The following STRN3 variants were observed in gnomAD, a reference collection of about 807,000 sequenced individuals.
STRN3 encodes striatin 3.
In STRN3, 29 loss-of-function variants were observed where a neutral mutation model predicts 95.6. That is an observed-to-expected ratio of 0.30 (90% CI 0.23 to 0.41). The LOEUF is 0.41. Among genes scored for constraint, STRN3 ranks in the 10% least tolerant of loss-of-function variants. The pLI, the probability that STRN3 is intolerant of heterozygous loss-of-function variation, is 1.00. For missense variants in STRN3, 890 were observed against 972.1 expected (o/e 0.92, Z 1.12); for synonymous variants, 331 against 357.6 (o/e 0.93, Z 0.84).
At chr14:31,010,845 C>A (rs1358916358) in intron 1 of STRN3, among the ~76,000 whole-genome samples, 1 of 152,166 alleles carries the variant, frequency 6.6e-6, no homozygotes, top group Non-Finnish European at 1.5e-5. Flanking sequence ...TCGAGACCAG[C>A]CTAGCCGACA....
intron 1 of STRN3, among the ~76,000 whole-genome samples, chr14:31,008,713 T>C (rs750818243): frequency 6.6e-6 from 1 of 152,220 alleles, no homozygotes; most frequent in South Asian, 2.1e-4. Flanking sequence ...GCTGTAAGCA[T>C]TGTAGTATTT....
At chr14:31,010,247 T>C (rs1002715950) in intron 1 of STRN3, among the ~76,000 whole-genome samples, 6 of 152,176 alleles carry the variant, frequency 3.9e-5, no homozygotes, top group African/African-American at 1.2e-4. Context: ...ATTATTATTA[T>C]ACTTTAAGTT....
chr14:30,977,448 G>A (rs1881160882), intron 1 of STRN3, among the ~76,000 whole-genome samples: 1 of 151,876 alleles, frequency 6.6e-6, no homozygotes, highest in East Asian at 1.9e-4. Context: ...GGGAAAGATG[G>A]AGAAAGGGGA....
At chr14:30,994,917 C>G (rs1413576879) in intron 1 of STRN3, among the ~76,000 whole-genome samples, 1 of 152,176 alleles carries the variant, frequency 6.6e-6, no homozygotes, top group Non-Finnish European at 1.5e-5. Flanking sequence ...CCCCAACAAC[C>G]AAAACAGTAT....
intron 1 of STRN3, among the ~76,000 whole-genome samples, chr14:30,961,377 A>G (rs1453229347): frequency 1.3e-5 from 2 of 152,228 alleles, no homozygotes; most frequent in Non-Finnish European, 2.9e-5. Context: ...ATTTCAGTCA[A>G]TGACAGACTG....
chr14:31,011,019 A>G (rs1296974871), intron 1 of STRN3, among the ~76,000 whole-genome samples: 1 of 152,208 alleles, frequency 6.6e-6, no homozygotes, highest in Non-Finnish European at 1.5e-5. Flanking sequence ...AGCCTGGGTG[A>G]CAGAGCAACA....
intron 1 of STRN3, among the ~76,000 whole-genome samples, chr14:30,975,951 A>G (rs1012295254): frequency 3.9e-5 from 6 of 152,174 alleles, no homozygotes; most frequent in African/African-American, 1.2e-4. Flanking sequence ...CTAAGACAGC[A>G]GAGAAAATGC....
intron 3 of STRN3, among the ~76,000 whole-genome samples, chr14:30,954,916 G>GA (rs57188044): frequency 0.047 from 5,663 of 119,700 alleles, 120 homozygotes; most frequent in African/African-American, 0.053. Context: ...AATGAGTCAA[G>GA]AAAAAAAAAA....
intron 9 of STRN3, among the ~76,000 whole-genome samples, chr14:30,915,938 C>A (rs67648672): frequency 0.38 from 58,176 of 152,078 alleles, 11,818 homozygotes; most frequent in East Asian, 0.45. Context: ...GTATTATACT[C>A]ATTTCTAATT....
At chr14:30,918,834 G>T in intron 9 of STRN3, 132 bp downstream of exon 9, 3 of 901,648 alleles carry the variant, frequency 3.3e-6, no homozygotes, top group Non-Finnish European at 4.6e-6. Context: ...TCAAGAGCTT[G>T]CCCAACACCT....
At chr14:31,011,727 T>C (rs566543829) in intron 1 of STRN3, among the ~76,000 whole-genome samples, 11 of 152,288 alleles carry the variant, frequency 7.2e-5, no homozygotes, top group Non-Finnish European at 1.2e-4. Flanking sequence ...AATAGAAAGA[T>C]TCATAAAAAC....
chr14:30,904,227 A>G (rs1253684062), intron 15 of STRN3, among the ~76,000 whole-genome samples: 1 of 152,214 alleles, frequency 6.6e-6, no homozygotes, highest in Non-Finnish European at 1.5e-5. Context: ...AGATCTTGTC[A>G]TATGTCATAT....
chr14:30,951,001 G>C (rs1434745710), intron 3 of STRN3, 57 bp from the exon 4 acceptor site: 1 of 1,453,406 alleles, frequency 6.9e-7, no homozygotes, highest in East Asian at 2.3e-5. Context: ...TGAAAATATT[G>C]CCAAAGTTTT....
chr14:30,995,535 T>C (rs182859225), intron 1 of STRN3, among the ~76,000 whole-genome samples: 3 of 152,250 alleles, frequency 2.0e-5, no homozygotes, highest in South Asian at 2.1e-4. Context: ...TCCTTCTGAT[T>C]AGGATTTCAG....
At chr14:31,014,842 T>C (rs1038293106) in intron 1 of STRN3, 10 of 406,162 alleles carry the variant, frequency 2.5e-5, no homozygotes, top group Admixed American at 7.6e-5. Flanking sequence ...AGGGTCTCAC[T>C]CTGTTGCCCA....
chr14:30,922,056 TA>T (rs908538912), intron 8 of STRN3, among the ~76,000 whole-genome samples: 5 of 151,384 alleles, frequency 3.3e-5, no homozygotes, highest in Non-Finnish European at 7.4e-5. Context: ...TTGGCTAATT[TA>T]AAAAAAAATT....
chr14:30,971,656 C>G (rs781049380), intron 1 of STRN3, among the ~76,000 whole-genome samples: 11 of 152,156 alleles, frequency 7.2e-5, no homozygotes, highest in Non-Finnish European at 4.4e-5. Context: ...ACCTTCATCC[C>G]AAACAGCACC....
chr14:31,015,791 C>G (rs994886515), intron 1 of STRN3, among the ~76,000 whole-genome samples: 5 of 152,164 alleles, frequency 3.3e-5, no homozygotes, highest in Non-Finnish European at 5.9e-5. Context: ...CAGTTCTGTT[C>G]CCAGCAGGCC....
chr14:30,973,326 C>CTTTA (rs1880926835), intron 1 of STRN3, among the ~76,000 whole-genome samples: 1 of 142,612 alleles, frequency 7.0e-6, no homozygotes, highest in Admixed American at 7.3e-5. Context: ...ACTGACAACC[C>CTTTA]TTTAGGTGGG....
Sources: allele counts gnomAD v4.1 joint callset (sites outside exome capture counted in the v4.1 genomes callset), GRCh38; gene constraint gnomAD v4.1.1; transcripts MANE v1.5; gene names NCBI Gene and HGNC (gene_info 2026-07-23, HGNC 2026-07-21).